ROR1: variants seen among roughly 807,000 people sequenced by gnomAD.
ROR1 encodes inactive tyrosine-protein kinase transmembrane receptor ROR1.
A neutral mutation model predicts 78.8 loss-of-function variants in ROR1; 19 were observed. The ratio of observed to expected loss-of-function variants is 0.24; its 90% CI spans 0.17 to 0.35. The LOEUF is 0.35. Ranked by LOEUF, ROR1 falls within the 10% of genes least tolerant of loss-of-function variation. The pLI is 1.00. For synonymous variants in ROR1, 386 were observed against 433.6 expected, an observed-to-expected ratio of 0.89 and a Z score of 1.36; for missense variants, 917 against 1,177.8, an observed-to-expected ratio of 0.78 and a Z score of 3.24.
At chr1:64,081,783 A>AAAAAAAAG (rs1647104289) in intron 4 of ROR1, among the ~76,000 whole-genome samples, 1 of 148,828 alleles carries the variant, frequency 6.7e-6, no homozygotes, top group African/African-American at 2.5e-5. Context: ...AAAAAAAAAA[A>AAAAAAAAG]GCGGCAAAAT....
At chr1:64,031,618 A>C (rs780886135) in intron 2 of ROR1, among the ~76,000 whole-genome samples, 3 of 152,258 alleles carry the variant, frequency 2.0e-5, no homozygotes, top group Non-Finnish European at 4.4e-5. Context: ...ATAGTTGCTC[A>C]TTCCAAAATA....
At chr1:63,783,005 T>A (rs908163400) in intron 1 of ROR1, among the ~76,000 whole-genome samples, 3 of 152,034 alleles carry the variant, frequency 2.0e-5, no homozygotes, top group Admixed American at 2.0e-4. Context: ...GAAGAGGAGT[T>A]GGACATTTCA....
At chr1:64,169,124 C>T (rs1250566310) in intron 8 of ROR1, among the ~76,000 whole-genome samples, 1 of 152,212 alleles carries the variant, frequency 6.6e-6, no homozygotes, top group Non-Finnish European at 1.5e-5. Flanking sequence ...TCAGAGAAAA[C>T]TGTGCTTCCA....
intron 1 of ROR1, among the ~76,000 whole-genome samples, chr1:63,931,836 C>T (rs1645755162): frequency 1.3e-5 from 2 of 152,102 alleles, no homozygotes; most frequent in African/African-American, 4.8e-5. Flanking sequence ...TTACTATGTT[C>T]TGTTTTATTA....
At chr1:63,919,523 T>C (rs896506485) in intron 1 of ROR1, among the ~76,000 whole-genome samples, 7 of 150,124 alleles carry the variant, frequency 4.7e-5, no homozygotes, top group African/African-American at 1.7e-4. Flanking sequence ...ATAACTATAT[T>C]AATTTATTAG....
chr1:63,855,990 A>G (rs907379637), intron 1 of ROR1, among the ~76,000 whole-genome samples: 1 of 151,834 alleles, frequency 6.6e-6, no homozygotes, highest in Admixed American at 6.6e-5. Flanking sequence ...CAGTGTCTCC[A>G]CTTACTTTTT....
intron 1 of ROR1, among the ~76,000 whole-genome samples, chr1:63,931,971 T>C (rs569197550): frequency 5.5e-4 from 84 of 152,320 alleles, no homozygotes; most frequent in Non-Finnish European, 9.6e-4. Flanking sequence ...AGGCATCCAC[T>C]GGGGTCTAGG....
chr1:64,120,896 C>T (rs1286956776), intron 4 of ROR1, among the ~76,000 whole-genome samples: 6 of 152,028 alleles, frequency 3.9e-5, no homozygotes, highest in African/African-American at 1.2e-4. Context: ...CTAGAGGAGG[C>T]TCTCCATAGC....
At chr1:64,044,369 A>G (rs1646767980) in intron 2 of ROR1, among the ~76,000 whole-genome samples, 1 of 152,082 alleles carries the variant, frequency 6.6e-6, no homozygotes, top group Non-Finnish European at 1.5e-5. Context: ...ACCCATCCTA[A>G]TTGTGCAAAA....
chr1:64,092,957 G>A (rs180696336), intron 4 of ROR1, among the ~76,000 whole-genome samples: 1 of 152,286 alleles, frequency 6.6e-6, no homozygotes, highest in East Asian at 1.9e-4. Flanking sequence ...GCTTATGACA[G>A]ACATAGATGT....
intron 1 of ROR1, among the ~76,000 whole-genome samples, chr1:63,971,446 A>G (rs1387900921): frequency 6.6e-6 from 1 of 152,146 alleles, no homozygotes; most frequent in African/African-American, 2.4e-5. Flanking sequence ...GTTAATATTT[A>G]CTCAAGCTGG....
chr1:64,091,932 T>C (rs1647201183), intron 4 of ROR1, among the ~76,000 whole-genome samples: 1 of 152,150 alleles, frequency 6.6e-6, no homozygotes, highest in Non-Finnish European at 1.5e-5. Context: ...CTTTTGACCA[T>C]GTGTTTCTTT....
intron 1 of ROR1, among the ~76,000 whole-genome samples, chr1:63,919,018 C>T (rs1645632266): frequency 6.6e-6 from 1 of 152,014 alleles, no homozygotes; most frequent in Admixed American, 6.6e-5. Context: ...TTGAGATTTT[C>T]TAAAAAACTG....
intron 4 of ROR1, among the ~76,000 whole-genome samples, chr1:64,056,406 G>A (rs534727788): frequency 7.9e-5 from 12 of 151,856 alleles, no homozygotes; most frequent in Middle Eastern, 3.4e-3. Flanking sequence ...CGGGCGCAGT[G>A]GTTCATGCCT....
chr1:64,129,802 C>T (rs913512072), intron 4 of ROR1, among the ~76,000 whole-genome samples: 4 of 152,144 alleles, frequency 2.6e-5, no homozygotes, highest in African/African-American at 7.2e-5. Context: ...ATAATTTTCC[C>T]TCAAATTACG....
At chr1:64,063,040 TAGAA>T (rs1486947455) in intron 4 of ROR1, among the ~76,000 whole-genome samples, 2 of 152,168 alleles carry the variant, frequency 1.3e-5, no homozygotes, top group African/African-American at 4.8e-5. Context: ...GGGGGTTTCT[TAGAA>T]AGAAGTGAAA....
chr1:63,870,012 C>T (rs1354200972), intron 1 of ROR1, among the ~76,000 whole-genome samples: 1 of 152,136 alleles, frequency 6.6e-6, no homozygotes, highest in Non-Finnish European at 1.5e-5. Flanking sequence ...TTATTTATTG[C>T]ACAAATATTA....
chr1:64,142,697 T>A, intron 7 of ROR1, 47 bp downstream of exon 7: 6 of 1,606,016 alleles, frequency 3.7e-6, no homozygotes, highest in Non-Finnish European at 5.1e-6. Context: ...TCTTTAAAGA[T>A]CCCTATCCTA....
intron 1 of ROR1, among the ~76,000 whole-genome samples, chr1:63,936,908 C>G (rs1645798424): frequency 6.6e-6 from 1 of 152,172 alleles, no homozygotes; most frequent in African/African-American, 2.4e-5. Flanking sequence ...TTGCCATTAC[C>G]AAACACAGGG....
Sources: gnomAD v4.1 joint callset for allele counts (sites outside exome capture counted in the v4.1 genomes callset) on GRCh38, gnomAD v4.1.1 for gene constraint, MANE v1.5 for transcripts, NCBI Gene and HGNC (gene_info 2026-07-23, HGNC 2026-07-21) for gene names.